The following WDR64 variants were observed in gnomAD, a reference collection of about 807,000 sequenced individuals.
The protein encoded by WDR64 is WD repeat domain 64.
In WDR64, 112 loss-of-function variants were observed where a neutral mutation model predicts 139.3. The ratio of observed to expected loss-of-function variants is 0.80; its 90% CI spans 0.69 to 0.94. The LOEUF (loss-of-function observed/expected upper bound fraction) is 0.94, where lower values mean the gene tolerates loss of function less well. Ranked by LOEUF, WDR64 falls within the 40% of genes least tolerant of loss-of-function variation. WDR64 has a pLI of 0.00. For synonymous variants in WDR64, 444 were observed against 437.7 expected, an observed-to-expected ratio of 1.01 and a Z score of -0.18; for missense variants, 1,206 against 1,293.1, an observed-to-expected ratio of 0.93 and a Z score of 1.03.
intron 3 of WDR64, among the ~76,000 whole-genome samples, chr1:241,672,257 C>T (rs968642038): frequency 2.6e-5 from 4 of 152,018 alleles, no homozygotes; most frequent in African/African-American, 4.8e-5. Flanking sequence ...AACCACTGAC[C>T]TCAACAGAGC....
intron 18 of WDR64, 48 bp from the exon 19 acceptor site, chr1:241,771,613 T>C: frequency 7.1e-7 from 1 of 1,406,952 alleles, no homozygotes; most frequent in Non-Finnish European, 9.4e-7. Context: ...ATATCTCATT[T>C]TCTTACAATG....
chr1:241,772,444 A>T (rs1658489992), intron 19 of WDR64, among the ~76,000 whole-genome samples: 1 of 113,548 alleles, frequency 8.8e-6, no homozygotes, highest in South Asian at 2.9e-4. Flanking sequence ...AAATTCCAAG[A>T]TAGATCCTTT....
chr1:241,704,751 A>C (rs1291052407), intron 8 of WDR64, among the ~76,000 whole-genome samples: 1 of 152,224 alleles, frequency 6.6e-6, no homozygotes, highest in East Asian at 1.9e-4. Context: ...ATTTGCTCAT[A>C]ATCAGTTAAT....
intron 17 of WDR64, chr1:241,770,362 T>G: frequency 2.9e-6 from 1 of 341,446 alleles, no homozygotes; most frequent in Non-Finnish European, 5.3e-6. Context: ...GCCTTTGCAG[T>G]GGGATAGGCA....
intron 15 of WDR64, among the ~76,000 whole-genome samples, chr1:241,762,372 A>G (rs980630443): frequency 1.3e-5 from 2 of 152,084 alleles, no homozygotes; most frequent in African/African-American, 4.8e-5. Flanking sequence ...ATCTCTTCAG[A>G]AAGCTATTTT....
chr1:241,787,109 C>T (rs1659062518), intron 23 of WDR64, among the ~76,000 whole-genome samples: 1 of 151,622 alleles, frequency 6.6e-6, no homozygotes, highest in South Asian at 2.1e-4. Flanking sequence ...AATCCCAGCA[C>T]TTTGGGAGCC....
At chr1:241,665,324 T>C (rs1183789137) in intron 2 of WDR64, among the ~76,000 whole-genome samples, 1 of 152,218 alleles carries the variant, frequency 6.6e-6, no homozygotes, top group Non-Finnish European at 1.5e-5. Context: ...GAGCTAAACT[T>C]TCTGGGCTTC....
At chr1:241,662,912 A>G (rs909517437) in intron 2 of WDR64, among the ~76,000 whole-genome samples, 3 of 152,202 alleles carry the variant, frequency 2.0e-5, no homozygotes, top group Admixed American at 1.3e-4. Flanking sequence ...TGGAATTGAT[A>G]TGTAATCAAT....
chr1:241,757,287 AG>A lies in WDR64; in HGVS notation c.1777del (p.Glu593LysfsTer8), dbSNP rs767763867. 6.2e-6 allele frequency: 10 copies of A among 1,612,628 alleles called. No individual in the cohort carries two copies. The South Asian group carries it at 9.9e-5, about 16-fold the overall frequency. ...CTCACTGGATTTCTGTTAAAGGGTA[AG>A]GAAGATGATATCTACCTCATGGTGA... ...RNGTIKMIQGKEDDIYLMVIW... is the reference protein window; with the variant it reads ...RNGTIKMIQGXEDDIYLMVIW... On this transcript the variant is annotated frameshift_variant, in exon 15 of 28. Transcript: ENST00000437684. LOFTEE classifies it high-confidence loss of function.
chr1:241,767,642 A>T (rs1480214817), intron 16 of WDR64, among the ~76,000 whole-genome samples: 2 of 152,198 alleles, frequency 1.3e-5, no homozygotes, highest in South Asian at 2.1e-4. Context: ...AAAATACAAA[A>T]GAAATGTCTG....
chr1:241,795,418 G>A (rs1213264784), intron 26 of WDR64, 131 bp downstream of exon 26: 8 of 750,036 alleles, frequency 1.1e-5, no homozygotes, highest in African/African-American at 7.1e-5. Flanking sequence ...TTCCAAAAAC[G>A]TATCATGTGC....
intron 9 of WDR64, among the ~76,000 whole-genome samples, chr1:241,715,333 G>A (rs1444404651): frequency 6.6e-6 from 1 of 152,194 alleles, no homozygotes; most frequent in Non-Finnish European, 1.5e-5. Context: ...AGAAAAAGAC[G>A]TGGGTTACTT....
In WDR64 at chr1:241,796,272, AG is replaced by A; in HGVS notation, c.3095del (p.Ser1032IlefsTer2). On this transcript the variant is annotated frameshift_variant, in exon 27 of 28. Coordinates refer to ENST00000437684, the MANE Select transcript of WDR64 (RefSeq NM_001367482.1). LOFTEE classifies it high-confidence loss of function. ...TGGCTTCCAGATATCAAGCCCCACT[AG>A]TCTAAGATTTCTTCCACTGATTGGC... Reference protein sequence around the residue: ...LPIYSISSPTSLRFLPLIGVE... With the variant: ...LPIYSISSPTXLRFLPLIGVE... The A allele has an allele frequency of 6.2e-7, 1 of 1,613,182 alleles. No homozygotes were observed. The highest frequency in any genetic ancestry group is 8.5e-7 in the Non-Finnish European group (1 of 1,179,490).
At chr1:241,746,702 G>A (rs1488647330) in intron 13 of WDR64, among the ~76,000 whole-genome samples, 1 of 150,954 alleles carries the variant, frequency 6.6e-6, no homozygotes, top group African/African-American at 2.4e-5. Flanking sequence ...GAATGAATCT[G>A]AAAGGCACTA....
At chr1:241,684,615 G>A (rs896315929) in intron 7 of WDR64, among the ~76,000 whole-genome samples, 19 of 152,300 alleles carry the variant, frequency 1.2e-4, no homozygotes, top group Admixed American at 5.2e-4. Context: ...CACATTAGTT[G>A]GTGGTAAAAG....
intron 8 of WDR64, among the ~76,000 whole-genome samples, chr1:241,693,056 A>G (rs1047818678): frequency 6.6e-6 from 1 of 152,158 alleles, no homozygotes; most frequent in Non-Finnish European, 1.5e-5. Context: ...CAGTCATACT[A>G]CTTGGTATTT....
intron 27 of WDR64, among the ~76,000 whole-genome samples, chr1:241,800,459 T>G (rs942811633): frequency 6.6e-6 from 1 of 152,210 alleles, no homozygotes; most frequent in Non-Finnish European, 1.5e-5. Flanking sequence ...TTTTTATACC[T>G]ATTTCTTCCA....
chr1:241,774,784 C>T (rs1292322173), intron 20 of WDR64, among the ~76,000 whole-genome samples: 1 of 151,896 alleles, frequency 6.6e-6, no homozygotes, highest in African/African-American at 2.4e-5. Flanking sequence ...AATATGTAAT[C>T]GGAAAGAAAG....
intron 10 of WDR64, among the ~76,000 whole-genome samples, chr1:241,733,975 G>A (rs974907407): frequency 3.5e-4 from 53 of 152,210 alleles, no homozygotes; most frequent in Admixed American, 2.8e-3. Context: ...TAATTAATAC[G>A]TGAAGGGAAA....
Sources: allele counts gnomAD v4.1 joint callset (sites outside exome capture counted in the v4.1 genomes callset), GRCh38; gene constraint gnomAD v4.1.1; transcripts MANE v1.5; gene names NCBI Gene and HGNC (gene_info 2026-07-23, HGNC 2026-07-21).